The following GPC6 variants were observed in gnomAD, a reference collection of about 807,000 sequenced individuals.
The protein encoded by GPC6 is glypican 6.
GPC6 carries 14 observed loss-of-function variants against 55.2 expected under a neutral mutation model. The ratio of observed to expected loss-of-function variants is 0.25; its 90% CI spans 0.17 to 0.40. GPC6 has a LOEUF of 0.40. GPC6 is among the 10% of genes least tolerant of loss of function. The pLI is 1.00. For missense variants in GPC6, 641 were observed against 708.5 expected, an observed-to-expected ratio of 0.90 and a Z score of 1.08; for synonymous variants, 278 against 259.6, an observed-to-expected ratio of 1.07 and a Z score of -0.68.
intron 5 of GPC6, among the ~76,000 whole-genome samples, chr13:94,298,858 T>G (rs1389357086): frequency 6.6e-6 from 1 of 152,224 alleles, no homozygotes; most frequent in Non-Finnish European, 1.5e-5. Context: ...ATTGATCATT[T>G]GAGATAATGC....
intron 2 of GPC6, among the ~76,000 whole-genome samples, chr13:93,786,194 C>G (rs1419291141): frequency 6.6e-6 from 1 of 152,164 alleles, no homozygotes; most frequent in African/African-American, 2.4e-5. Context: ...AAAGACAAAA[C>G]AGCAACAACC....
chr13:93,394,476 G>T lies in GPC6; in HGVS notation c.161-150787G>T, dbSNP rs114025469. Among the ~76,000 whole-genome samples, 781 of 152,250 alleles carry T rather than the reference G, an allele frequency of 5.1e-3. 6 individuals carry two copies. Among genetic ancestry groups the T allele is most frequent in the African/African-American group, 0.018 (735 of 41,540 alleles). On this transcript the variant is annotated intron_variant, in intron 1 of 8. Coordinates refer to ENST00000377047, the MANE Select transcript of GPC6 (RefSeq NM_005708.5). ...CAATGTTGCTCTAAGAATTCATTTG[G>T]TGATTACCTCAATGTCCTCATCAGC...
chr13:93,822,030 T>TA (rs376205790), intron 2 of GPC6, among the ~76,000 whole-genome samples: 1 of 134,016 alleles, frequency 7.5e-6, no homozygotes, highest in Non-Finnish European at 1.6e-5. Context: ...ATATACATAA[T>TA]ATGTATACAC....
chr13:94,031,493 G>T (rs1267787196), intron 4 of GPC6, among the ~76,000 whole-genome samples: 1 of 152,140 alleles, frequency 6.6e-6, no homozygotes, highest in East Asian at 1.9e-4. Context: ...GGCAGGACCA[G>T]AAGAAACAGG....
At chr13:93,360,190 G>T (rs900695057) in intron 1 of GPC6, among the ~76,000 whole-genome samples, 1 of 152,178 alleles carries the variant, frequency 6.6e-6, no homozygotes, top group African/African-American at 2.4e-5. Context: ...AGACCAGAAG[G>T]TTTGTTGAAA....
intron 1 of GPC6, among the ~76,000 whole-genome samples, chr13:93,517,834 T>A (rs1881259244): frequency 6.6e-6 from 1 of 152,062 alleles, no homozygotes; most frequent in African/African-American, 2.4e-5. Flanking sequence ...TCATATTAGA[T>A]AAGGTTCACA....
At chr13:93,800,634 GT>G (rs372441591) in intron 2 of GPC6, among the ~76,000 whole-genome samples, 5 of 152,154 alleles carry the variant, frequency 3.3e-5, no homozygotes, top group Admixed American at 2.6e-4. Flanking sequence ...AGCATTTAAT[GT>G]GAACTGGAAT....
chr13:93,485,929 G>T lies in GPC6; in HGVS notation c.161-59334G>T, dbSNP rs372655130. On this transcript the variant is annotated intron_variant, in intron 1 of 8. Coordinates refer to ENST00000377047, the MANE Select transcript of GPC6 (RefSeq NM_005708.5). ...TATTATATCAGCAAGATCATTATCT[G>T]TTATCTTTCTTGGATAAACTTGGAA... Among the ~76,000 whole-genome samples the T allele has an allele frequency of 5.0e-4, 76 of 152,246 alleles. 1 individual carries two copies. The highest frequency in any genetic ancestry group is 1.7e-3 in the African/African-American group (72 of 41,534).
chr13:93,962,015 C>T (rs1401762164), intron 3 of GPC6, among the ~76,000 whole-genome samples: 1 of 152,116 alleles, frequency 6.6e-6, no homozygotes, highest in African/African-American at 2.4e-5. Context: ...ATAAATCATT[C>T]CTAGTCCTCA....
intron 1 of GPC6, among the ~76,000 whole-genome samples, chr13:93,401,365 T>G (rs1876070297): frequency 6.6e-6 from 1 of 152,100 alleles, no homozygotes; most frequent in African/African-American, 2.4e-5. Flanking sequence ...TCCAGGTCAC[T>G]GGGGTTGCTG....
chr13:93,652,922 A>C (rs1689848906), intron 2 of GPC6, among the ~76,000 whole-genome samples: 1 of 152,202 alleles, frequency 6.6e-6, no homozygotes, highest in Admixed American at 6.5e-5. Context: ...AAGCTACTTA[A>C]ATTTGGGTCA....
At chr13:94,164,942 G>T (rs1255502299) in intron 4 of GPC6, among the ~76,000 whole-genome samples, 1 of 151,970 alleles carries the variant, frequency 6.6e-6, no homozygotes, top group Non-Finnish European at 1.5e-5. Flanking sequence ...GTTCTTCAAA[G>T]TTGTATTCAT....
intron 4 of GPC6, among the ~76,000 whole-genome samples, chr13:94,259,620 A>G (rs1320490065): frequency 2.0e-5 from 3 of 152,164 alleles, no homozygotes; most frequent in Admixed American, 2.0e-4. Context: ...CATTGTCCCA[A>G]CAGAAACTCC....
chr13:93,616,206 C>T (rs1305922357), intron 2 of GPC6, among the ~76,000 whole-genome samples: 1 of 152,000 alleles, frequency 6.6e-6, no homozygotes, highest in East Asian at 1.9e-4. Context: ...AGAACAAATA[C>T]AGCTAACTAG....
At chr13:93,232,754 G>A (rs1326270163) in intron 1 of GPC6, among the ~76,000 whole-genome samples, 4 of 152,010 alleles carry the variant, frequency 2.6e-5, no homozygotes, top group Non-Finnish European at 4.4e-5. Context: ...TGAAATTTAC[G>A]AACACTTATA....
intron 2 of GPC6, among the ~76,000 whole-genome samples, chr13:93,620,621 C>T (rs1878911303): frequency 1.3e-5 from 2 of 152,172 alleles, no homozygotes; most frequent in Non-Finnish European, 2.9e-5. Context: ...ATGTTAGCAG[C>T]TTAAATATTT....
intron 3 of GPC6, among the ~76,000 whole-genome samples, chr13:93,950,501 C>A (rs944556190): frequency 6.6e-6 from 1 of 152,084 alleles, no homozygotes; most frequent in East Asian, 1.9e-4. Context: ...TATATTCAGA[C>A]GTATAGACCT....
intron 2 of GPC6, among the ~76,000 whole-genome samples, chr13:93,552,480 G>GTCTCTC (rs61674043): frequency 1.1e-4 from 16 of 146,840 alleles, no homozygotes; most frequent in Admixed American, 6.8e-5. Flanking sequence ...CTGTCTCTCT[G>GTCTCTC]TCTCTCTCTC....
chr13:94,389,503 G>A (rs1322215314), intron 7 of GPC6, among the ~76,000 whole-genome samples: 1 of 152,102 alleles, frequency 6.6e-6, no homozygotes, highest in Non-Finnish European at 1.5e-5. Flanking sequence ...TGTTCAAATA[G>A]GCCCTTACCT....
Sources: allele counts gnomAD v4.1 joint callset (sites outside exome capture counted in the v4.1 genomes callset), GRCh38; gene constraint gnomAD v4.1.1; transcripts MANE v1.5; gene names NCBI Gene and HGNC (gene_info 2026-07-23, HGNC 2026-07-21).